DTD1: variants seen among roughly 807,000 people sequenced by gnomAD.
DTD1 encodes D-tyrosyl-tRNA deacylase 1 homolog.
Under a neutral mutation model 25.6 loss-of-function variants are expected in DTD1, and 13 were observed. That is an observed-to-expected ratio of 0.51 (90% CI 0.33 to 0.81). DTD1 has a LOEUF of 0.81. Among genes scored for constraint, DTD1 ranks in the 30% least tolerant of loss-of-function variants. DTD1 has a pLI of 0.02. For missense variants in DTD1, 193 were observed against 266.4 expected (o/e 0.72, Z 1.92); for synonymous variants, 110 against 103.6 (o/e 1.06, Z -0.37).
At chr20:18,612,278 C>T (rs1222089257) in intron 3 of DTD1, among the ~76,000 whole-genome samples, 1 of 152,036 alleles carries the variant, frequency 6.6e-6, no homozygotes, top group Non-Finnish European at 1.5e-5. Context: ...TCGTGATCCG[C>T]CCGCCTCGGC....
chr20:18,601,563 G>A (rs1259767100), intron 3 of DTD1, among the ~76,000 whole-genome samples: 2 of 148,580 alleles, frequency 1.3e-5, no homozygotes, highest in African/African-American at 2.5e-5. Flanking sequence ...CTCCCAGCAC[G>A]CAGCTGGAGA....
chr20:18,732,097 G>A (rs1375089122), intron 4 of DTD1, among the ~76,000 whole-genome samples: 1 of 152,102 alleles, frequency 6.6e-6, no homozygotes, highest in Admixed American at 6.6e-5. Flanking sequence ...TTGTTTTATT[G>A]TTATTTTGTA....
At chr20:18,606,183 A>G (rs1471372827) in intron 3 of DTD1, among the ~76,000 whole-genome samples, 1 of 150,288 alleles carries the variant, frequency 6.7e-6, no homozygotes, top group Admixed American at 6.7e-5. Flanking sequence ...AAAAATGCTC[A>G]TCATCACTAG....
intron 4 of DTD1, among the ~76,000 whole-genome samples, chr20:18,650,733 T>C (rs1292923578): frequency 6.6e-6 from 1 of 152,238 alleles, no homozygotes; most frequent in Non-Finnish European, 1.5e-5. Flanking sequence ...ATTTGCTGTG[T>C]AAGGTTGTAA....
At chr20:18,647,972 C>G (rs1269632018) in intron 4 of DTD1, among the ~76,000 whole-genome samples, 2 of 152,148 alleles carry the variant, frequency 1.3e-5, no homozygotes, top group African/African-American at 2.4e-5. Flanking sequence ...ACATCAGGAG[C>G]AGGGCTTTGA....
At chr20:18,669,150 A>T (rs998762148) in intron 4 of DTD1, among the ~76,000 whole-genome samples, 2 of 134,366 alleles carry the variant, frequency 1.5e-5, no homozygotes, top group Non-Finnish European at 1.7e-5. Flanking sequence ...GCTGTTTGAC[A>T]TGGGGACCAG....
At chr20:18,759,675 C>T (rs1311790674) in intron 5 of DTD1, among the ~76,000 whole-genome samples, 2 of 152,158 alleles carry the variant, frequency 1.3e-5, no homozygotes, top group African/African-American at 2.4e-5. Context: ...ACATTTTTTC[C>T]TTCATTTCAA....
At chr20:18,624,782 G>C (rs1217743846) in intron 3 of DTD1, among the ~76,000 whole-genome samples, 1 of 152,162 alleles carries the variant, frequency 6.6e-6, no homozygotes, top group Non-Finnish European at 1.5e-5. Flanking sequence ...CCTTGCCTTG[G>C]ATCTCCTGTT....
intron 4 of DTD1, among the ~76,000 whole-genome samples, chr20:18,717,999 G>A (rs562270878): frequency 6.6e-6 from 1 of 152,240 alleles, no homozygotes; most frequent in Non-Finnish European, 1.5e-5. Context: ...GCTCTGTCTG[G>A]GTTCAAAAGG....
At chr20:18,644,572 T>C (rs2060843661) in intron 4 of DTD1, among the ~76,000 whole-genome samples, 1 of 152,190 alleles carries the variant, frequency 6.6e-6, no homozygotes, top group African/African-American at 2.4e-5. Flanking sequence ...TCTTTCTTAA[T>C]AGAATTTAAT....
intron 4 of DTD1, among the ~76,000 whole-genome samples, chr20:18,705,960 A>G (rs1246216044): frequency 2.0e-5 from 3 of 152,220 alleles, no homozygotes; most frequent in Admixed American, 2.0e-4. Flanking sequence ...TGACTGATCA[A>G]GCCTTTAGCT....
chr20:18,589,696 AC>A (rs1191532271), intron 1 of DTD1, among the ~76,000 whole-genome samples: 4 of 152,208 alleles, frequency 2.6e-5, no homozygotes, highest in Non-Finnish European at 4.4e-5. Context: ...GTCGTCACTG[AC>A]AGATTTAAAT....
intron 4 of DTD1, among the ~76,000 whole-genome samples, chr20:18,662,786 T>C (rs755085242): frequency 5.3e-5 from 8 of 152,258 alleles, no homozygotes; most frequent in African/African-American, 1.7e-4. Context: ...TAAATAGATA[T>C]AAAACAGCCA....
chr20:18,724,066 C>T (rs1027865585), intron 4 of DTD1, among the ~76,000 whole-genome samples: 1 of 152,210 alleles, frequency 6.6e-6, no homozygotes, highest in East Asian at 1.9e-4. Context: ...TATCTCCTGC[C>T]CCCTTTTAAG....
intron 4 of DTD1, among the ~76,000 whole-genome samples, chr20:18,723,019 A>G (rs192277113): frequency 6.6e-6 from 1 of 152,362 alleles, no homozygotes; most frequent in East Asian, 1.9e-4. Flanking sequence ...TCAGTTAATG[A>G]TATGAAGTTT....
chr20:18,650,059 A>G (rs1362568613), intron 4 of DTD1, among the ~76,000 whole-genome samples: 1 of 152,052 alleles, frequency 6.6e-6, no homozygotes, highest in African/African-American at 2.4e-5. Context: ...CAAAATTTAA[A>G]CAAAACAACA....
intron 4 of DTD1, chr20:18,631,820 CT>C (rs2060788695): frequency 1.0e-6 from 1 of 984,552 alleles, no homozygotes; most frequent in African/African-American, 1.7e-5. Context: ...AAATTTTAGT[CT>C]TTTTTTCATT....
Position 18,759,351 on chromosome 20 carries a change from G to C in DTD1, c.*20-4009G>C, listed in dbSNP as rs1408691429. On this transcript the variant is annotated intron_variant, in intron 5 of 5. Transcript: ENST00000377452. The stretch of plus-strand genomic sequence containing the variant: ...TAGCCTCGATGGTCTTTACAATTTG[G>C]CATGTTTTTGCAGTGGCTGGTACCT... Among the ~76,000 whole-genome samples the C allele has an allele frequency of 2.0e-5, 3 of 152,152 alleles. No homozygotes were observed. In the East Asian group the frequency reaches 5.8e-4, roughly 29 times the overall value.
intron 3 of DTD1, among the ~76,000 whole-genome samples, chr20:18,616,502 A>G (rs1050161861): frequency 6.6e-6 from 1 of 152,118 alleles, no homozygotes; most frequent in Non-Finnish European, 1.5e-5. Flanking sequence ...CCTAAAAGCA[A>G]TGTCAGCCAC....
Sources: allele counts gnomAD v4.1 joint callset (sites outside exome capture counted in the v4.1 genomes callset), GRCh38; gene constraint gnomAD v4.1.1; transcripts MANE v1.5; gene names NCBI Gene and HGNC (gene_info 2026-07-23, HGNC 2026-07-21).